SLC44A5: variants seen among roughly 807,000 people sequenced by gnomAD.
The protein encoded by SLC44A5 is choline transporter-like protein 5.
SLC44A5 carries 57 observed loss-of-function variants against 101.8 expected under a neutral mutation model. The ratio of observed to expected loss-of-function variants is 0.56; its 90% CI spans 0.45 to 0.70. SLC44A5 has a LOEUF of 0.70. Among genes scored for constraint, SLC44A5 ranks in the 30% least tolerant of loss-of-function variants. SLC44A5 has a pLI of 0.00. For missense variants in SLC44A5, 737 were observed against 853.1 expected (o/e 0.86, Z 1.70); for synonymous variants, 281 against 290.9 (o/e 0.97, Z 0.35).
chr1:75,242,039 T>C lies in SLC44A5; in HGVS notation c.494A>G (p.Asp165Gly). The stretch of plus-strand genomic sequence containing the variant: ...AAAAATCGCTGTTGGACAATCATCA[T>C]CCAGTAAAAGCTGTGTGAGAGACTA... ...PVKSLTQLLL[D>G]DDCPTAIFPS... Residue 165 changes from aspartate (D) to glycine (G), a missense_variant, in exon 9 of 24, where the codon GAT (aspartate) becomes GGT (glycine). Asp to Gly is a moderately conservative substitution (Grantham distance 94). Coordinates refer to ENST00000370859, the MANE Select transcript of SLC44A5 (RefSeq NM_001130058.2). 2 of 1,612,354 alleles carry C rather than the reference T, an allele frequency of 1.2e-6. No homozygotes were observed. The highest frequency in any genetic ancestry group is 2.2e-5 in the South Asian group (2 of 91,022).
the SLC44A5 span, among the ~76,000 whole-genome samples, chr1:75,678,443 G>T: frequency 6.6e-6 from 1 of 151,964 alleles, no homozygotes; most frequent in Non-Finnish European, 1.5e-5. Context: ...TCCTCAAGTG[G>T]GTCCCTGACC....
chr1:75,207,461 A>G (rs1399558491), intron 23 of SLC44A5, among the ~76,000 whole-genome samples: 3 of 152,196 alleles, frequency 2.0e-5, no homozygotes, highest in African/African-American at 7.2e-5. Context: ...GTTGGGAGGA[A>G]GCACCAGAAT....
At chr1:75,318,111 TCATG>T (rs1655835717) in intron 4 of SLC44A5, among the ~76,000 whole-genome samples, 1 of 152,190 alleles carries the variant, frequency 6.6e-6, no homozygotes, top group South Asian at 2.1e-4. Context: ...GCTCAGTGGC[TCATG>T]CCTGTAATTC....
the SLC44A5 span, among the ~76,000 whole-genome samples, chr1:75,634,742 C>T: frequency 6.6e-6 from 1 of 151,674 alleles, no homozygotes; most frequent in Non-Finnish European, 1.5e-5. Flanking sequence ...CCATTCAGGA[C>T]ATAGGCATGG....
intron 6 of SLC44A5, among the ~76,000 whole-genome samples, chr1:75,252,222 C>T (rs545563247): frequency 6.6e-6 from 1 of 152,180 alleles, no homozygotes; most frequent in Non-Finnish European, 1.5e-5. Flanking sequence ...TCTTAAGAAA[C>T]ACAGCTCTAA....
At chr1:75,544,671 A>G (rs1671547960) in intron 1 of SLC44A5, among the ~76,000 whole-genome samples, 1 of 152,234 alleles carries the variant, frequency 6.6e-6, no homozygotes, top group African/African-American at 2.4e-5. Flanking sequence ...TTTAACATTT[A>G]CGCAATACTG....
intron 5 of SLC44A5, among the ~76,000 whole-genome samples, chr1:75,285,525 G>A (rs549348756): frequency 6.6e-6 from 1 of 151,708 alleles, no homozygotes; most frequent in South Asian, 2.1e-4. Context: ...GGTTTGGTTT[G>A]TTCTTGTTTC....
At chr1:75,211,955 T>A (rs1319535823) in intron 22 of SLC44A5, among the ~76,000 whole-genome samples, 1 of 151,584 alleles carries the variant, frequency 6.6e-6, no homozygotes, top group African/African-American at 2.4e-5. Context: ...AAAACAGAAG[T>A]TTATTTCTCC....
At chr1:75,535,353 G>A (rs1670940416) in intron 2 of SLC44A5, among the ~76,000 whole-genome samples, 1 of 152,074 alleles carries the variant, frequency 6.6e-6, no homozygotes, top group African/African-American at 2.4e-5. Context: ...CACCACCCTG[G>A]GAGAAATGCT....
At chr1:75,221,566 T>C (rs1374165238) in intron 14 of SLC44A5, among the ~76,000 whole-genome samples, 1 of 152,202 alleles carries the variant, frequency 6.6e-6, no homozygotes, top group Non-Finnish European at 1.5e-5. Flanking sequence ...TCAATTGTCC[T>C]GTCTATTAGA....
In SLC44A5 at chr1:75,202,381, CTGA is replaced by C. The variant is rs1458380195; in HGVS notation, c.*1343_*1345del. ...TATTTTATAAACTGATAGTAACTTA[CTGA>C]TGATTGATTCTCAAAGCTTTCACAA... On this transcript the variant is annotated 3_prime_UTR_variant, in exon 24 of 24. Transcript: ENST00000370859. The C allele has an allele frequency of 3.3e-5, 5 of 152,108 alleles. No homozygotes were observed. The highest frequency in any genetic ancestry group is 1.2e-4 in the African/African-American group (5 of 41,446). 9.4% of individuals were successfully genotyped at this position (152,108 alleles called of 1,614,324 possible). A position where few individuals can be genotyped will look rare whatever the true frequency, so the allele number is the denominator to read the frequency against.
chr1:75,542,738 T>C (rs1434702470), intron 1 of SLC44A5, among the ~76,000 whole-genome samples: 1 of 152,168 alleles, frequency 6.6e-6, no homozygotes, highest in African/African-American at 2.4e-5. Flanking sequence ...AGATTAAGCT[T>C]TTGACTCAAA....
intron 1 of SLC44A5, among the ~76,000 whole-genome samples, chr1:75,561,109 T>A (rs1461399178): frequency 1.3e-5 from 2 of 152,194 alleles, no homozygotes; most frequent in African/African-American, 4.8e-5. Context: ...CAGTCTCTAT[T>A]TTCATGGATC....
At chr1:75,233,552 A>T (rs1647792351) in intron 12 of SLC44A5, among the ~76,000 whole-genome samples, 1 of 152,182 alleles carries the variant, frequency 6.6e-6, no homozygotes, top group Admixed American at 6.6e-5. Flanking sequence ...CAATTATTAA[A>T]CGGTGTGACA....
chr1:75,589,752 C>G (rs149549809), intron 1 of SLC44A5, among the ~76,000 whole-genome samples: 2 of 151,972 alleles, frequency 1.3e-5, no homozygotes, highest in African/African-American at 4.8e-5. Flanking sequence ...TCTGTGTGCT[C>G]GGGGAGAGAG....
intron 3 of SLC44A5, among the ~76,000 whole-genome samples, chr1:75,362,494 G>A (rs1002032560): frequency 2.6e-5 from 4 of 151,692 alleles, no homozygotes; most frequent in Non-Finnish European, 3.0e-5. Flanking sequence ...TTTCATTTTC[G>A]TTTGTATCAA....
At chr1:75,545,867 A>AG (rs1557893956) in intron 1 of SLC44A5, among the ~76,000 whole-genome samples, 4 of 147,710 alleles carry the variant, frequency 2.7e-5, no homozygotes, top group Non-Finnish European at 4.5e-5. Flanking sequence ...TCTGTCACCC[A>AG]GGCTGCTGGA....
intron 2 of SLC44A5, among the ~76,000 whole-genome samples, chr1:75,454,408 T>A (rs998334118): frequency 3.3e-5 from 5 of 151,954 alleles, no homozygotes; most frequent in Admixed American, 2.6e-4. Context: ...CTCAAAATAA[T>A]AAGAGCCATC....
At chr1:75,355,043 T>A (rs576268142) in intron 3 of SLC44A5, among the ~76,000 whole-genome samples, 29 of 152,340 alleles carry the variant, frequency 1.9e-4, no homozygotes, top group Non-Finnish European at 4.0e-4. Context: ...GTGTTATCAG[T>A]TACCGTCATA....
Sources: gnomAD v4.1 joint callset for allele counts (sites outside exome capture counted in the v4.1 genomes callset) on GRCh38, gnomAD v4.1.1 for gene constraint, MANE v1.5 for transcripts, NCBI Gene and HGNC (gene_info 2026-07-23, HGNC 2026-07-21) for gene names.